The following MLF1 variants were observed in gnomAD, a reference collection of about 807,000 sequenced individuals.
MLF1 encodes the protein myelodysplasia-myeloid leukemia factor 1.
In MLF1, 37 loss-of-function variants were observed where a neutral mutation model predicts 38.3. The observed-to-expected ratio is 0.96, with a 90% CI of 0.74 to 1.27. The LOEUF is 1.27. Ranked by LOEUF, MLF1 falls within the 50% of genes most tolerant of loss-of-function variation. MLF1 has a pLI of 0.00. For synonymous variants in MLF1, 95 were observed against 106.5 expected (o/e 0.89, Z 0.66); for missense variants, 331 against 349.2 (o/e 0.95, Z 0.42).
At chr3:158,586,147 A>G (rs1717219993) in intron 1 of MLF1, among the ~76,000 whole-genome samples, 1 of 150,418 alleles carries the variant, frequency 6.6e-6, no homozygotes, top group Admixed American at 6.6e-5. Flanking sequence ...CTGGGCAGCA[A>G]GAGTGAAACT....
At chr3:158,585,386 T>G (rs548339063) in intron 1 of MLF1, among the ~76,000 whole-genome samples, 1 of 152,178 alleles carries the variant, frequency 6.6e-6, no homozygotes, top group African/African-American at 2.4e-5. Context: ...GGAAGCATCC[T>G]GAAGTTCTCA....
chr3:158,604,806 G>T (rs574240974), intron 7 of MLF1, among the ~76,000 whole-genome samples: 1 of 151,910 alleles, frequency 6.6e-6, no homozygotes, highest in Admixed American at 6.6e-5. Flanking sequence ...CTACAGGCGC[G>T]CATCACCACG....
rs779614770 is a variant in MLF1 at position 158,600,041 on chromosome 3, G to A, written c.481G>A (p.Asp161Asn). 2.8e-6 allele frequency: 4 copies of A among 1,432,914 alleles called. No individual in the cohort carries two copies. The highest frequency in any genetic ancestry group is 3.7e-6 in the Non-Finnish European group (4 of 1,085,864). 88.8% of individuals were successfully genotyped at this position (1,432,914 alleles called of 1,614,324 possible). Residue 161 changes from aspartate (D) to asparagine (N), a missense_variant, in exon 6 of 8, where the codon GAT (aspartate) becomes AAT (asparagine). Asp to Asn is a conservative substitution (Grantham distance 23). Coordinates refer to ENST00000466246, the MANE Select transcript of MLF1 (RefSeq NM_001369783.1). ...AAAGGAAACCAGGAAAGCAATGAGAGATTCTGACAGTGGACTAGAAAAAAT... is the reference window on the plus strand; with the variant it reads ...AAAGGAAACCAGGAAAGCAATGAGAAATTCTGACAGTGGACTAGAAAAAAT... The part of the protein sequence containing the change: ...GIKETRKAMR[D>N]SDSGLEKMAI...
At chr3:158,605,050 T>G in intron 7 of MLF1, 47 bp from the exon 8 acceptor site, 3 of 1,326,902 alleles carry the variant, frequency 2.3e-6, no homozygotes, top group Non-Finnish European at 3.2e-6. Context: ...TTATAAACCA[T>G]TGGCCATTTT....
Position 158,605,270 on chromosome 3 carries a change from C to G in MLF1, c.*68C>G. On this transcript the variant is annotated 3_prime_UTR_variant, in exon 8 of 8. Coordinates refer to ENST00000466246, the MANE Select transcript of MLF1 (RefSeq NM_001369783.1). ...GTTAGTAATGGTGCTGGGTAATAAG[C>G]ATAAGACCAATCTCTTGCTGTTAAA... 8.2e-7 allele frequency: 1 copy of G among 1,213,372 alleles called. No individual in the cohort carries two copies. Among genetic ancestry groups the G allele is most frequent in the Non-Finnish European group, 1.2e-6 (1 of 850,358 alleles). 75.2% of individuals were successfully genotyped at this position (1,213,372 alleles called of 1,614,324 possible).
At chr3:158,573,239 C>A (rs1560092609) in intron 1 of MLF1, 1 of 151,252 alleles carries the variant, frequency 6.6e-6, no homozygotes. Context: ...GCTTTCTCTT[C>A]GAAGTTGTTG....
intron 1 of MLF1, among the ~76,000 whole-genome samples, chr3:158,577,042 A>G (rs1715569700): frequency 6.6e-6 from 1 of 152,202 alleles, no homozygotes; most frequent in African/African-American, 2.4e-5. Flanking sequence ...TGAGCATCAT[A>G]TATCTGATGA....
intron 1 of MLF1, chr3:158,590,903 C>G (rs1718019949): frequency 2.3e-6 from 1 of 427,694 alleles, no homozygotes. Context: ...ATGAAAACAT[C>G]TGTCTATACA....
intron 1 of MLF1, among the ~76,000 whole-genome samples, chr3:158,579,282 T>C (rs563551286): frequency 7.5e-6 from 1 of 133,954 alleles, no homozygotes; most frequent in Admixed American, 7.6e-5. Context: ...TGTGCTACCA[T>C]AGAATTTTTT....
rs556794781 is a variant in MLF1 at position 158,594,230 on chromosome 3, A to G, written c.240+804A>G. Among the ~76,000 whole-genome samples the G allele has an allele frequency of 1.4e-3, 216 of 152,266 alleles. 2 individuals carry two copies. The highest frequency in any genetic ancestry group is 4.9e-3 in the African/African-American group (204 of 41,560). ...TGCTATGGGAGCACAGATGGAAAAA[A>G]GCACCTTTTGAGGTGGGGTGGGTCA... is the stretch of plus-strand genomic sequence containing the variant. On this transcript the variant is annotated intron_variant, in intron 3 of 7. Coordinates refer to ENST00000466246, the MANE Select transcript of MLF1 (RefSeq NM_001369783.1).
intron 1 of MLF1, chr3:158,582,860 A>G (rs1249575057): frequency 1.5e-6 from 1 of 687,438 alleles, no homozygotes; most frequent in Non-Finnish European, 2.6e-6. Context: ...CTTCAGAGAG[A>G]AGGAAAATCA....
In MLF1 at chr3:158,592,419, G is replaced by A; in HGVS notation, c.48-15G>A. ...CCAACACTGAATCTTTCATGATTATGTATATTTTCAACAGTGAGTCCATTC... is the reference window on the plus strand; with the variant it reads ...CCAACACTGAATCTTTCATGATTATATATATTTTCAACAGTGAGTCCATTC... On this transcript the variant is annotated splice_polypyrimidine_tract_variant and intron_variant, in intron 1 of 7. Transcript: ENST00000466246. The A allele has an allele frequency of 6.3e-7, 1 of 1,590,934 alleles. No individual in the cohort carries two copies. Among genetic ancestry groups the A allele is most frequent in the South Asian group, 1.1e-5 (1 of 88,020 alleles).
rs376505439 is a variant in MLF1, at chr3:158,598,220, A to G, written c.453+12A>G. 26 of 1,608,824 alleles carry G rather than the reference A, an allele frequency of 1.6e-5. No individual in the cohort carries two copies. Among genetic ancestry groups the G allele is most frequent in the Non-Finnish European group, 1.9e-5 (22 of 1,178,692 alleles). Reference sequence around the variant, plus strand: ...GAGCTCCAGGAGGAGTAAGTTTTCTATAAGCATTCCTAAAGTTTTATAAAG... The same window carrying G: ...GAGCTCCAGGAGGAGTAAGTTTTCTGTAAGCATTCCTAAAGTTTTATAAAG... On this transcript the variant is annotated intron_variant, in intron 5 of 7. Coordinates refer to ENST00000466246, the MANE Select transcript of MLF1 (RefSeq NM_001369783.1).
At chr3:158,605,070 A>G (rs1720345597) in intron 7 of MLF1, 27 bp from the exon 8 acceptor site, 1 of 1,510,822 alleles carries the variant, frequency 6.6e-7, no homozygotes, top group Non-Finnish European at 9.1e-7. Flanking sequence ...TTTAAATGAT[A>G]TTAATATTCA....
At chr3:158,603,594 T>C (rs532467234) in intron 7 of MLF1, among the ~76,000 whole-genome samples, 1 of 152,288 alleles carries the variant, frequency 6.6e-6, no homozygotes, top group African/African-American at 2.4e-5. Flanking sequence ...TCCCAGCACT[T>C]CCGGAGGCCG....
At chr3:158,599,199 C>T (rs1426941789) in intron 5 of MLF1, among the ~76,000 whole-genome samples, 2 of 152,128 alleles carry the variant, frequency 1.3e-5, no homozygotes, top group African/African-American at 4.8e-5. Context: ...ACTAATTCAT[C>T]TTTATACATG....
At chr3:158,590,787 A>G (rs1037031460) in intron 1 of MLF1, 2 of 456,020 alleles carry the variant, frequency 4.4e-6, no homozygotes, top group African/African-American at 2.0e-5. Flanking sequence ...AATGTTCTAC[A>G]TCTTAATTAT....
rs914429396 is a variant in MLF1 at position 158,571,244 on chromosome 3, A to T, written c.-57A>T. ...GCTAGCTCTTGTCGCGGCCGCGGCG[A>T]GTTAACATCGTTTTTCCAATCTGTC... On this transcript the variant is annotated 5_prime_UTR_variant, in exon 1 of 8. Coordinates refer to ENST00000466246, the MANE Select transcript of MLF1 (RefSeq NM_001369783.1). The T allele has an allele frequency of 7.1e-7, 1 of 1,411,284 alleles. No homozygotes were observed. Among genetic ancestry groups the T allele is most frequent in the Non-Finnish European group, 1.0e-6 (1 of 1,000,498 alleles). The allele number at this position is 1,411,284 out of a possible 1,614,324, so 87.4% of individuals were successfully genotyped here.
chr3:158,588,439 T>G (rs1337253886), intron 1 of MLF1, among the ~76,000 whole-genome samples: 1 of 151,882 alleles, frequency 6.6e-6, no homozygotes, highest in African/African-American at 2.4e-5. Context: ...CCGTCTCTAC[T>G]AAGTACAAAA....
Sources: gnomAD v4.1 joint callset for allele counts (sites outside exome capture counted in the v4.1 genomes callset) on GRCh38, gnomAD v4.1.1 for gene constraint, MANE v1.5 for transcripts, NCBI Gene and HGNC (gene_info 2026-07-23, HGNC 2026-07-21) for gene names.